The following ITPR2 variants were observed in gnomAD, a reference collection of about 807,000 sequenced individuals.
ITPR2 encodes the protein inositol 1,4,5-trisphosphate-gated calcium channel ITPR2.
ITPR2 carries 207 observed loss-of-function variants against 317.1 expected under a neutral mutation model. The ratio of observed to expected loss-of-function variants is 0.65; its 90% confidence interval spans 0.58 to 0.73. The LOEUF (loss-of-function observed/expected upper bound fraction) is 0.73, where lower values mean the gene tolerates loss of function less well. ITPR2 is among the 30% of genes least tolerant of loss of function. The pLI is 0.00. For synonymous variants in ITPR2, 1,156 were observed against 1,149.1 expected (o/e 1.01, Z -0.12); for missense variants, 2,613 against 3,284.0 (o/e 0.80, Z 4.99).
At position 26,436,342 on chromosome 12, in the gene ITPR2, G is replaced by T; in HGVS notation, c.6648C>A (p.Asn2216Lys). 6.2e-7 allele frequency: 1 copy of T among 1,605,386 alleles called. No individual in the cohort carries two copies. Among genetic ancestry groups the T allele is most frequent in the Non-Finnish European group, 8.5e-7 (1 of 1,177,604 alleles). Residue 2216 changes from asparagine to lysine, a missense_variant, in exon 48 of 57, where the codon AAC (asparagine) becomes AAA (lysine). This residue lies in a region of ITPR2 where 926 missense variants were observed against 1,072.8 expected (regional missense o/e 0.86). Coordinates refer to ENST00000381340, the MANE Select transcript of ITPR2 (RefSeq NM_002223.4). ...GCCTCGAGAACCAGAACAGTGCAGG[G>T]TTATCTAGGAAGTGAGAAATGTAAA... ...EMKWQKKIRNNPALFWFSRHI... is the reference protein window; with the variant it reads ...EMKWQKKIRNKPALFWFSRHI...
chr12:26,398,530 T>G (rs751332588), intron 54 of ITPR2, among the ~76,000 whole-genome samples: 14 of 152,250 alleles, frequency 9.2e-5, no homozygotes, highest in Non-Finnish European at 2.1e-4. Flanking sequence ...TGGATTCATA[T>G]TCTAACAAAA....
intron 26 of ITPR2, 107 bp from the exon 27 acceptor site, chr12:26,602,813 T>C: frequency 1.9e-6 from 1 of 518,456 alleles, no homozygotes; most frequent in Non-Finnish European, 3.1e-6. Context: ...TTGTAATAAA[T>C]CTATTATTCA....
intron 2 of ITPR2, among the ~76,000 whole-genome samples, chr12:26,784,683 G>C (rs1285955682): frequency 6.6e-6 from 1 of 151,552 alleles, no homozygotes; most frequent in African/African-American, 2.4e-5. Context: ...GCGTGATCTC[G>C]GCTCGCTACA....
chr12:26,560,690 C>T (rs1944792578), intron 35 of ITPR2, among the ~76,000 whole-genome samples: 1 of 152,196 alleles, frequency 6.6e-6, no homozygotes, highest in Non-Finnish European at 1.5e-5. Flanking sequence ...TTTTAGATAA[C>T]CCTATCCTAC....
intron 2 of ITPR2, among the ~76,000 whole-genome samples, chr12:26,752,158 G>T (rs1949434953): frequency 6.6e-6 from 1 of 152,060 alleles, no homozygotes; most frequent in African/African-American, 2.4e-5. Context: ...AAGTTCCTCA[G>T]AATACTTACT....
chr12:26,698,939 G>A (rs186849176), intron 9 of ITPR2, among the ~76,000 whole-genome samples: 67 of 151,450 alleles, frequency 4.4e-4, no homozygotes, highest in African/African-American at 1.6e-3. Flanking sequence ...ATCTATTTTA[G>A]TCAAGTTTCA....
intron 2 of ITPR2, among the ~76,000 whole-genome samples, chr12:26,781,554 C>T (rs558741013): frequency 6.6e-6 from 1 of 152,122 alleles, no homozygotes; most frequent in African/African-American, 2.4e-5. Flanking sequence ...TAATTATGAC[C>T]TTATTATTGT....
At chr12:26,527,722 A>C (rs149697506) in intron 37 of ITPR2, among the ~76,000 whole-genome samples, 1,790 of 152,316 alleles carry the variant, frequency 0.012, 19 homozygotes, top group Middle Eastern at 0.027. Context: ...GTTGAGACAT[A>C]CTTCTTCTAT....
chr12:26,794,865 C>T (rs887363103), intron 1 of ITPR2, among the ~76,000 whole-genome samples: 15 of 152,166 alleles, frequency 9.9e-5, no homozygotes, highest in African/African-American at 3.6e-4. Flanking sequence ...AGACTTGGCT[C>T]CCTCCTTCTG....
chr12:26,736,944 G>A (rs1398809722), intron 2 of ITPR2, among the ~76,000 whole-genome samples: 1 of 152,160 alleles, frequency 6.6e-6, no homozygotes, highest in Admixed American at 6.5e-5. Flanking sequence ...TTCAAACTGG[G>A]AAATGTTGCC....
chr12:26,794,420 T>C (rs1006146568), intron 1 of ITPR2, among the ~76,000 whole-genome samples: 2 of 152,210 alleles, frequency 1.3e-5, no homozygotes, highest in African/African-American at 4.8e-5. Flanking sequence ...TTTTTATTGT[T>C]TAAGACACTT....
In ITPR2 at chr12:26,336,896, T is replaced by A. The variant is rs1262282297; in HGVS notation, c.*2501A>T. 6.6e-6 allele frequency: 1 copy of A among 151,874 alleles called. No homozygotes were observed. Among genetic ancestry groups the A allele is most frequent in the Non-Finnish European group, 1.5e-5 (1 of 67,972 alleles). The allele number at this position is 151,874 out of a possible 1,614,324, so 9.4% of individuals were successfully genotyped here. On this transcript the variant is annotated 3_prime_UTR_variant, in exon 57 of 57. Coordinates refer to ENST00000381340, the MANE Select transcript of ITPR2 (RefSeq NM_002223.4). Reference sequence around the variant, plus strand: ...TATAAATTTATATCAAATGTCAAATTTCCCCATTATCTTCTCCTCTTCTTC... The same window carrying A: ...TATAAATTTATATCAAATGTCAAATATCCCCATTATCTTCTCCTCTTCTTC...
intron 45 of ITPR2, among the ~76,000 whole-genome samples, chr12:26,459,739 G>A (rs920583228): frequency 2.6e-5 from 4 of 152,070 alleles, no homozygotes; most frequent in African/African-American, 9.7e-5. Context: ...ATTTTCCCAG[G>A]AAATCTCATC....
At chr12:26,556,566 T>TTGTGTGTGTG (rs1555155168) in intron 35 of ITPR2, among the ~76,000 whole-genome samples, 191 bp from the exon 36 acceptor site, 2 of 136,266 alleles carry the variant, frequency 1.5e-5, no homozygotes, top group South Asian at 2.4e-4. Flanking sequence ...ATTTTTTTTT[T>TTGTGTGTGTG]TGTGTGTGTG....
Position 26,718,237 on chromosome 12 carries a change from G to T in ITPR2, c.526-1995C>A, listed in dbSNP as rs374018584. Among the ~76,000 whole-genome samples, 30 of 151,882 alleles carry T rather than the reference G, an allele frequency of 2.0e-4. 1 individual carries two copies. The highest frequency in any genetic ancestry group is 6.3e-4 in the African/African-American group (26 of 41,434). Reference sequence around the variant, plus strand: ...CCCCTGACAGGCTCTGGTGTGTGTTGTTCCCCTCTCTGTGTCCATGTGTTC... The same window carrying T: ...CCCCTGACAGGCTCTGGTGTGTGTTTTTCCCCTCTCTGTGTCCATGTGTTC... On this transcript the variant is annotated intron_variant, in intron 5 of 56. Coordinates refer to ENST00000381340, the MANE Select transcript of ITPR2 (RefSeq NM_002223.4).
intron 9 of ITPR2, 32 bp from the exon 10 acceptor site, chr12:26,695,682 T>C (rs1248206375): frequency 5.9e-6 from 9 of 1,521,674 alleles, no homozygotes; most frequent in African/African-American, 2.7e-5. Context: ...TAGTTTTTCA[T>C]TGCTATGAAA....
chr12:26,539,806 C>G (rs991959565), intron 37 of ITPR2, among the ~76,000 whole-genome samples: 2 of 152,186 alleles, frequency 1.3e-5, no homozygotes, highest in African/African-American at 4.8e-5. Flanking sequence ...ACAAAGAAAC[C>G]TGCTGTTACC....
At chr12:26,721,140 T>C (rs1948831398) in intron 5 of ITPR2, 2 of 405,162 alleles carry the variant, frequency 4.9e-6, no homozygotes, top group Admixed American at 8.5e-5. Flanking sequence ...AACTATTTAA[T>C]GAAACTAAAA....
In ITPR2 at chr12:26,578,833, T is replaced by A. The variant is rs1484444408; in HGVS notation, c.4510A>T (p.Thr1504Ser). Residue 1504 changes from threonine to serine, a missense_variant and splice_region_variant, in exon 34 of 57, where the codon ACA (threonine) becomes TCA (serine). By Grantham distance (58) the Thr-to-Ser change is moderately conservative. This residue lies in a region of ITPR2 where 926 missense variants were observed against 1,072.8 expected (regional missense o/e 0.86). Transcript: ENST00000381340. The part of the protein sequence containing the change: ...PFSDNSTSLQ[T>S]HQPVFIQLLQ... ...AGCTGAATAAAAACTGGCTGATGTG[T>A]CTAAAACCAGAAAGAAGGTAGGCAA... is the stretch of plus-strand genomic sequence containing the variant. 3 of 1,603,606 alleles carry A rather than the reference T, an allele frequency of 1.9e-6. No homozygotes were observed.
Sources: gnomAD v4.1 joint callset for allele counts (sites outside exome capture counted in the v4.1 genomes callset) on GRCh38, gnomAD v4.1.1 for gene constraint, gnomAD v4.1.1 regional missense constraint, MANE v1.5 for transcripts, NCBI Gene and HGNC (gene_info 2026-07-23, HGNC 2026-07-21) for gene names.